The following TAFA2 variants were observed in gnomAD, a reference collection of about 807,000 sequenced individuals.
TAFA2 encodes the protein chemokine-like protein TAFA-2.
TAFA2 carries 7 observed loss-of-function variants against 18.8 expected under a neutral mutation model. The observed-to-expected ratio is 0.37, with a 90% CI of 0.21 to 0.70. The LOEUF (loss-of-function observed/expected upper bound fraction) is 0.70. Ranked by LOEUF, TAFA2 falls within the 30% of genes least tolerant of loss-of-function variation. The probability of loss-of-function intolerance (pLI) is 0.53; values close to 1 mark genes in which losing one functional copy is unlikely to be tolerated. For missense variants in TAFA2, 122 were observed against 158.1 expected, an observed-to-expected ratio of 0.77 and a Z score of 1.23; for synonymous variants, 60 against 54.2, an observed-to-expected ratio of 1.11 and a Z score of -0.47.
chr12:62,087,653 G>A (rs559327093), intron 1 of TAFA2, among the ~76,000 whole-genome samples: 24 of 152,258 alleles, frequency 1.6e-4, no homozygotes, highest in African/African-American at 5.5e-4. Flanking sequence ...AGATGTGGTA[G>A]GCCAGGGAAG....
chr12:62,217,709 C>T (rs1051711402), intron 1 of TAFA2, among the ~76,000 whole-genome samples: 5 of 152,240 alleles, frequency 3.3e-5, no homozygotes, highest in African/African-American at 1.2e-4. Flanking sequence ...ATCACAATTG[C>T]ATCACAGCTC....
chr12:61,826,039 T>C (rs915318450), intron 2 of TAFA2, among the ~76,000 whole-genome samples: 2 of 152,092 alleles, frequency 1.3e-5, no homozygotes, highest in Non-Finnish European at 2.9e-5. Flanking sequence ...CATTTCTTAA[T>C]ACAGTACCCT....
At chr12:61,836,091 TG>T (rs1872908556) in intron 2 of TAFA2, among the ~76,000 whole-genome samples, 1 of 151,986 alleles carries the variant, frequency 6.6e-6, no homozygotes, top group Admixed American at 6.6e-5. Context: ...TACTCTTGGT[TG>T]GTTAACTACT....
intron 4 of TAFA2, among the ~76,000 whole-genome samples, chr12:61,733,175 C>A (rs916784072): frequency 6.6e-6 from 1 of 152,066 alleles, no homozygotes; most frequent in Non-Finnish European, 1.5e-5. Flanking sequence ...GATATTAGCC[C>A]TCTGTCAGAT....
intron 1 of TAFA2, chr12:61,879,471 TG>T: frequency 1.4e-6 from 1 of 691,418 alleles, no homozygotes. Context: ...GTGGCCTGGG[TG>T]GAGGCTTTGG....
intron 1 of TAFA2, among the ~76,000 whole-genome samples, chr12:62,041,144 T>C (rs750641081): frequency 6.6e-6 from 1 of 152,194 alleles, no homozygotes; most frequent in African/African-American, 2.4e-5. Flanking sequence ...TATGTGAAAT[T>C]ATAAGCCTGC....
chr12:62,138,947 C>T (rs1341134791), intron 1 of TAFA2, among the ~76,000 whole-genome samples: 4 of 152,064 alleles, frequency 2.6e-5, no homozygotes, highest in Non-Finnish European at 5.9e-5. Flanking sequence ...AGATTTCATG[C>T]CACCCAGAGA....
chr12:62,042,508 G>A (rs964085403), intron 1 of TAFA2, among the ~76,000 whole-genome samples: 2 of 151,844 alleles, frequency 1.3e-5, no homozygotes, highest in Non-Finnish European at 2.9e-5. Flanking sequence ...TCTGGCCAGT[G>A]TCCCTGCTGG....
intron 1 of TAFA2, among the ~76,000 whole-genome samples, chr12:61,979,591 G>A (rs1174354951): frequency 6.6e-6 from 1 of 151,886 alleles, no homozygotes; most frequent in African/African-American, 2.4e-5. Flanking sequence ...CTGAAGTACT[G>A]CCCAGAAAAT....
At chr12:61,799,412 A>C (rs983615393) in intron 2 of TAFA2, among the ~76,000 whole-genome samples, 1 of 152,206 alleles carries the variant, frequency 6.6e-6, no homozygotes, top group African/African-American at 2.4e-5. Flanking sequence ...TGCTAAGACG[A>C]AAGTTAGAGC....
chr12:61,857,264 G>A (rs1592438622), intron 2 of TAFA2, among the ~76,000 whole-genome samples: 2 of 151,930 alleles, frequency 1.3e-5, no homozygotes, highest in Non-Finnish European at 2.9e-5. Flanking sequence ...TAATAGAAAC[G>A]AAAATACTTC....
At chr12:61,882,759 AAC>A (rs1289869606) in intron 1 of TAFA2, among the ~76,000 whole-genome samples, 2 of 152,168 alleles carry the variant, frequency 1.3e-5, no homozygotes, top group Non-Finnish European at 2.9e-5. Flanking sequence ...CCTACTACAT[AAC>A]ACAGAAAGAA....
intron 1 of TAFA2, among the ~76,000 whole-genome samples, chr12:61,868,832 C>T (rs962636927): frequency 2.6e-5 from 4 of 152,074 alleles, no homozygotes; most frequent in African/African-American, 7.2e-5. Flanking sequence ...GTCAGAATGC[C>T]GGGGTTTGAG....
At chr12:61,730,053 G>T (rs1426468244) in intron 4 of TAFA2, among the ~76,000 whole-genome samples, 1 of 152,118 alleles carries the variant, frequency 6.6e-6, no homozygotes, top group African/African-American at 2.4e-5. Flanking sequence ...GATAGTGTCT[G>T]CAAGGAGTAC....
chr12:62,249,393 C>G (rs779289503), intron 1 of TAFA2, among the ~76,000 whole-genome samples: 59 of 152,122 alleles, frequency 3.9e-4, no homozygotes, highest in Admixed American at 7.2e-4. Flanking sequence ...AATTAACTCT[C>G]TACTTAATCT....
At chr12:62,081,989 T>G (rs1300356362) in intron 1 of TAFA2, among the ~76,000 whole-genome samples, 1 of 143,706 alleles carries the variant, frequency 7.0e-6, no homozygotes, top group Non-Finnish European at 1.5e-5. Flanking sequence ...GTTACCCCCA[T>G]GTGTCCATGT....
intron 1 of TAFA2, among the ~76,000 whole-genome samples, chr12:62,035,719 G>T (rs1185717092): frequency 7.0e-6 from 1 of 143,120 alleles, no homozygotes; most frequent in Non-Finnish European, 1.5e-5. Context: ...GACGCTAGGG[G>T]TCAATGATTC....
At chr12:61,723,305 C>A (rs1011004963) in intron 4 of TAFA2, among the ~76,000 whole-genome samples, 12 of 152,026 alleles carry the variant, frequency 7.9e-5, no homozygotes, top group African/African-American at 2.7e-4. Context: ...CAGTGCTAAG[C>A]AGCATATCAG....
intron 2 of TAFA2, among the ~76,000 whole-genome samples, chr12:61,812,749 T>C (rs1050759524): frequency 6.6e-6 from 1 of 150,834 alleles, no homozygotes; most frequent in South Asian, 2.1e-4. Context: ...TTTGTATTTT[T>C]AGTAGGGACA....
Sources: gnomAD v4.1 joint callset for allele counts (sites outside exome capture counted in the v4.1 genomes callset) on GRCh38, gnomAD v4.1.1 for gene constraint, MANE v1.5 for transcripts, NCBI Gene and HGNC (gene_info 2026-07-23, HGNC 2026-07-21) for gene names.